Variants in GPR65 observed in about 807,000 individuals in gnomAD.
GPR65 encodes the protein G protein-coupled receptor 65, also known as T-cell death-associated gene 8 protein.
In GPR65, 2 loss-of-function variants were observed where a neutral mutation model predicts 0.7. The ratio of observed to expected loss-of-function variants is 2.83; its 90% confidence interval spans 1.16 to 8.92. The LOEUF is 8.92. Ranked by LOEUF, GPR65 falls within the 30% of genes most tolerant of loss-of-function variation. The probability of loss-of-function intolerance (pLI) is 0.04; values close to 1 mark genes in which losing one functional copy is unlikely to be tolerated. For missense variants in GPR65, 379 were observed against 399.4 expected, an observed-to-expected ratio of 0.95 and a Z score of 0.43; for synonymous variants, 128 against 146.5, an observed-to-expected ratio of 0.87 and a Z score of 0.91.
intron 1 of GPR65, among the ~76,000 whole-genome samples, chr14:88,009,564 T>G (rs1041767089): frequency 2.0e-5 from 3 of 152,124 alleles, no homozygotes; most frequent in African/African-American, 7.2e-5. Flanking sequence ...GTGAAGGTAT[T>G]CACCATGTAA....
At chr14:88,010,202 TCTTGA>T (rs550003677) in intron 1 of GPR65, among the ~76,000 whole-genome samples, 182 bp from the exon 2 acceptor site, 239 of 152,356 alleles carry the variant, frequency 1.6e-3, no homozygotes, top group Middle Eastern at 3.4e-3. Context: ...AAGTAAAATG[TCTTGA>T]CTTGATTTTA....
Position 88,011,251 on chromosome 14 carries a change from G to A in GPR65, c.404G>A (p.Ser135Asn), listed in dbSNP as rs1250920924. ...LRTRRFALMV[S>N]LSIWILETIF... ...ACAAGAAGATTTGCACTCATGGTCA[G>A]CCTGTCCATCTGGATATTGGAAACC... is the stretch of plus-strand genomic sequence containing the variant. Residue 135 changes from serine (S) to asparagine (N), a missense_variant, in exon 2 of 2, where the codon AGC (serine) becomes AAC (asparagine). Transcript: ENST00000267549. 7 of 1,613,796 alleles carry A rather than the reference G, an allele frequency of 4.3e-6. No homozygotes were observed. The East Asian group carries it at 1.6e-4, about 36-fold the overall frequency.
chr14:88,010,830 T>C lies in GPR65; in HGVS notation c.-18T>C. 1 of 1,567,520 alleles carries C rather than the reference T, an allele frequency of 6.4e-7. No homozygotes were observed. Among genetic ancestry groups the C allele is most frequent in the Non-Finnish European group, 8.8e-7 (1 of 1,140,994 alleles). On this transcript the variant is annotated 5_prime_UTR_variant, in exon 2 of 2. Coordinates refer to ENST00000267549, the MANE Select transcript of GPR65 (RefSeq NM_003608.4). ...ACTTTCTAAGAACTAATATAATTGC[T>C]ACCTTAAAAAGGAAAAAATGAACAG... is the stretch of plus-strand genomic sequence containing the variant.
chr14:88,008,561 G>A (rs141367727), intron 1 of GPR65, among the ~76,000 whole-genome samples: 111 of 152,148 alleles, frequency 7.3e-4, no homozygotes, highest in African/African-American at 2.4e-3. Context: ...CTGCTAGTGG[G>A]CATTCTAGTT....
rs1887718108 is a variant in GPR65 at position 88,013,363 on chromosome 14, A to C, written c.*1502A>C. ...ACCATGCCTGGCAAAGAGAGTCTTG[A>C]TACAACATATTCTTTTGAATCCTCA... On this transcript the variant is annotated 3_prime_UTR_variant, in exon 2 of 2. Transcript: ENST00000267549. 6.6e-6 allele frequency: 1 copy of C among 152,154 alleles called. No individual in the cohort carries two copies. The highest frequency in any genetic ancestry group is 1.5e-5 in the Non-Finnish European group (1 of 68,026). 9.4% of individuals were successfully genotyped at this position (152,154 alleles called of 1,614,324 possible). A position where few individuals can be genotyped will look rare whatever the true frequency, so the allele number is the denominator to read the frequency against.
intron 1 of GPR65, among the ~76,000 whole-genome samples, chr14:88,005,893 A>T (rs1206847356): frequency 1.3e-5 from 2 of 152,192 alleles, no homozygotes; most frequent in Non-Finnish European, 2.9e-5. Flanking sequence ...ATCTGGTAAA[A>T]ATTAAAAAAT....
rs1350032116 is a variant in GPR65 at position 88,013,383 on chromosome 14, T to C, written c.*1522T>C. The C allele has an allele frequency of 6.6e-6, 1 of 152,130 alleles. No homozygotes were observed. The highest frequency in any genetic ancestry group is 6.6e-5 in the Admixed American group (1 of 15,266). 9.4% of individuals were successfully genotyped at this position (152,130 alleles called of 1,614,324 possible). A position where few individuals can be genotyped will look rare whatever the true frequency, so the allele number is the denominator to read the frequency against. On this transcript the variant is annotated 3_prime_UTR_variant, in exon 2 of 2. Transcript: ENST00000267549. ...TCTTGATACAACATATTCTTTTGAA[T>C]CCTCATTGTGTAAATTGCCTCGTTG...
intron 1 of GPR65, among the ~76,000 whole-genome samples, chr14:88,007,047 G>C (rs1003012283): frequency 1.6e-4 from 24 of 152,200 alleles, no homozygotes; most frequent in Middle Eastern, 3.4e-3. Flanking sequence ...TCTGCTGTCT[G>C]TTATCGCTGT....
rs10142093 is a variant in GPR65 at position 88,012,988 on chromosome 14, T to G, written c.*1127T>G. On this transcript the variant is annotated 3_prime_UTR_variant, in exon 2 of 2. Coordinates refer to ENST00000267549, the MANE Select transcript of GPR65 (RefSeq NM_003608.4). ...ACCAGAAGTTTAATGCATAGACAAA[T>G]AAATAGTTCTATTATATCTTTCTTT... The G allele has an allele frequency of 2.7e-3, 411 of 151,950 alleles. 2 individuals are homozygous for G. Among genetic ancestry groups the G allele is most frequent in the African/African-American group, 9.2e-3 (383 of 41,516 alleles). 9.4% of individuals were successfully genotyped at this position (151,950 alleles called of 1,614,324 possible). A position where few individuals can be genotyped will look rare whatever the true frequency, so the allele number is the denominator to read the frequency against.
intron 1 of GPR65, among the ~76,000 whole-genome samples, chr14:88,009,033 T>C (rs1887636480): frequency 6.6e-6 from 1 of 152,182 alleles, no homozygotes; most frequent in Non-Finnish European, 1.5e-5. Context: ...CTCTACTGTC[T>C]GCAAATGTCT....
chr14:88,011,677 C>T lies in GPR65; in HGVS notation c.830C>T (p.Ala277Val), dbSNP rs776152660. ...RTYTMYRITV[A>V]LTSLNCVADP... is the part of the protein sequence containing the mutation. ...TACACAATGTATAGAATCACGGTTGCATTAACAAGTTTAAATTGTGTTGCT... is the reference window on the plus strand; with the variant it reads ...TACACAATGTATAGAATCACGGTTGTATTAACAAGTTTAAATTGTGTTGCT... Residue 277 changes from alanine to valine, a missense_variant, in exon 2 of 2, where the codon GCA (alanine) becomes GTA (valine). Coordinates refer to ENST00000267549, the MANE Select transcript of GPR65 (RefSeq NM_003608.4). 21 of 1,613,598 alleles carry T rather than the reference C, an allele frequency of 1.3e-5. No individual in the cohort carries two copies. Among genetic ancestry groups the T allele is most frequent in the East Asian group, 6.7e-5 (3 of 44,898 alleles).
In GPR65 at chr14:88,011,363, C is replaced by A. The variant is rs1183857753; in HGVS notation, c.516C>A (p.Asp172Glu). 1.9e-6 allele frequency: 3 copies of A among 1,613,944 alleles called. No homozygotes were observed. The highest frequency in any genetic ancestry group is 3.3e-5 in the Admixed American group (2 of 59,980). The change falls in exon 2 of 2, where the codon GAC (aspartate) becomes GAA (glutamate). Residue 172 changes from aspartate (D) to glutamate (E), a missense_variant. By Grantham distance (45) the Asp-to-Glu change is conservative (BLOSUM62 2). Transcript: ENST00000267549. Reference protein sequence around the residue: ...AEKSNFTLCYDKYPLEKWQIN... With the variant: ...AEKSNFTLCYEKYPLEKWQIN... ...AGTCTAATTTTACTTTATGCTATGACAAATACCCTTTAGAGAAATGGCAAA... is the reference window on the plus strand; with the variant it reads ...AGTCTAATTTTACTTTATGCTATGAAAAATACCCTTTAGAGAAATGGCAAA...
At chr14:88,006,463 C>G (rs1887595525) in intron 1 of GPR65, among the ~76,000 whole-genome samples, 2 of 152,206 alleles carry the variant, frequency 1.3e-5, no homozygotes, top group Admixed American at 1.3e-4. Context: ...TGTACTGCCT[C>G]TGCGTCACTA....
intron 1 of GPR65, among the ~76,000 whole-genome samples, chr14:88,009,158 A>C (rs773563100): frequency 1.3e-5 from 2 of 151,954 alleles, no homozygotes; most frequent in Non-Finnish European, 2.9e-5. Context: ...CATAGGCCCA[A>C]GTTTTGTCTC....
rs1481011130 is a variant in GPR65, at chr14:88,011,941, C to T, written c.*80C>T. 2.8e-6 allele frequency: 3 copies of T among 1,075,158 alleles called. No individual in the cohort carries two copies. Among genetic ancestry groups the T allele is most frequent in the Non-Finnish European group, 2.7e-6 (2 of 736,918 alleles). 66.6% of individuals were successfully genotyped at this position (1,075,158 alleles called of 1,614,324 possible). A position where few individuals can be genotyped will look rare whatever the true frequency, so the allele number is the denominator to read the frequency against. On this transcript the variant is annotated 3_prime_UTR_variant, in exon 2 of 2. Coordinates refer to ENST00000267549, the MANE Select transcript of GPR65 (RefSeq NM_003608.4). ...CAAGATTACATTTTGAAAAGGAAATCTAGCATGTGAGGGGACTAAGTGTTC... is the reference window on the plus strand; with the variant it reads ...CAAGATTACATTTTGAAAAGGAAATTTAGCATGTGAGGGGACTAAGTGTTC...
At chr14:88,009,398 G>C (rs1887641374) in intron 1 of GPR65, among the ~76,000 whole-genome samples, 1 of 152,048 alleles carries the variant, frequency 6.6e-6, no homozygotes, top group Non-Finnish European at 1.5e-5. Context: ...TTAGTTACCT[G>C]TTTAAGAGTG....
At position 88,012,411 on chromosome 14, in the gene GPR65, T is replaced by A. The variant is rs1887698041; in HGVS notation, c.*550T>A. On this transcript the variant is annotated 3_prime_UTR_variant, in exon 2 of 2. Coordinates refer to ENST00000267549, the MANE Select transcript of GPR65 (RefSeq NM_003608.4). ...TGTATTGTGTACAATTCAGTGATTTTTTGTATATTCACAGAGCTGTGCAAC... is the reference window on the plus strand; with the variant it reads ...TGTATTGTGTACAATTCAGTGATTTATTGTATATTCACAGAGCTGTGCAAC... 1 of 152,278 alleles carries A rather than the reference T, an allele frequency of 6.6e-6. No individual in the cohort carries two copies. The highest frequency in any genetic ancestry group is 2.4e-5 in the African/African-American group (1 of 41,464). 9.4% of individuals were successfully genotyped at this position (152,278 alleles called of 1,614,324 possible). A position where few individuals can be genotyped will look rare whatever the true frequency, so the allele number is the denominator to read the frequency against.
chr14:88,011,069 C>T lies in GPR65; in HGVS notation c.222C>T (p.Thr74=), dbSNP rs6574978. Residue 74 remains threonine (T), a synonymous_variant, in exon 2 of 2, where the codon ACC becomes ACT. Transcript: ENST00000267549. ...ALTLPLWIDY[T]WNKDNWTFSP... ...CTCTCCCTTTATGGATTGATTATAC[C>T]TGGAATAAAGACAACTGGACTTTCT... is the stretch of plus-strand genomic sequence containing the variant. The T allele has an allele frequency of 0.7, 1,136,110 of 1,612,534 alleles. 404,850 individuals carry two copies. The highest frequency in any genetic ancestry group is 0.98 in the East Asian group (43,922 of 44,882).
In GPR65 at chr14:88,010,597, C is replaced by T. The variant is rs1349767616; in HGVS notation, c.-251C>T. The T allele has an allele frequency of 2.4e-6, 1 of 418,178 alleles. No individual in the cohort carries two copies. The highest frequency in any genetic ancestry group is 2.0e-5 in the African/African-American group (1 of 50,046). The allele number at this position is 418,178 out of a possible 1,614,324, so 25.9% of individuals were successfully genotyped here. On this transcript the variant is annotated 5_prime_UTR_variant, in exon 2 of 2. Coordinates refer to ENST00000267549, the MANE Select transcript of GPR65 (RefSeq NM_003608.4). ...CACATGGACTTCTGTTTATTAAATT[C>T]AGTTGACCCCTTTAGCCAATTGCCA...
Sources: gnomAD v4.1 joint callset for allele counts (sites outside exome capture counted in the v4.1 genomes callset) on GRCh38, gnomAD v4.1.1 for gene constraint, MANE v1.5 for transcripts, NCBI Gene and HGNC (gene_info 2026-07-23, HGNC 2026-07-21) for gene names.